Variants in KALRN observed in about 807,000 individuals in gnomAD.
KALRN encodes kalirin RhoGEF kinase.
In KALRN, 70 loss-of-function variants were observed where a neutral mutation model predicts 353.7. The observed-to-expected ratio is 0.20, with a 90% CI of 0.16 to 0.24. KALRN has a LOEUF of 0.24. Among genes scored for constraint, KALRN ranks in the 10% least tolerant of loss-of-function variants. KALRN has a pLI of 1.00. For synonymous variants in KALRN, 1,391 were observed against 1,434.8 expected, an observed-to-expected ratio of 0.97 and a Z score of 0.69; for missense variants, 2,791 against 3,756.7, an observed-to-expected ratio of 0.74 and a Z score of 6.72.
intron 5 of KALRN, among the ~76,000 whole-genome samples, chr3:124,290,066 G>C (rs76863010): frequency 0.043 from 6,522 of 152,200 alleles, 194 homozygotes; most frequent in Middle Eastern, 0.078. Flanking sequence ...TTGGAGGATT[G>C]GTAAGCTTTC....
At chr3:124,441,342 A>G (rs1434370072) in intron 18 of KALRN, among the ~76,000 whole-genome samples, 1 of 152,164 alleles carries the variant, frequency 6.6e-6, no homozygotes, top group Non-Finnish European at 1.5e-5. Context: ...AGGAGACGAG[A>G]GGTGGCTCAT....
At chr3:124,418,238 T>C (rs1265901038) in intron 14 of KALRN, among the ~76,000 whole-genome samples, 1 of 152,088 alleles carries the variant, frequency 6.6e-6, no homozygotes, top group East Asian at 1.9e-4. Flanking sequence ...AGAAGAAACC[T>C]TGATGTAGAA....
At position 124,643,983 on chromosome 3, in the gene KALRN, C is replaced by G. The variant is rs73193734; in HGVS notation, c.5664+6680C>G. Among the ~76,000 whole-genome samples, 1,153 of 152,074 alleles carry G rather than the reference C, an allele frequency of 7.6e-3. 12 individuals carry two copies. The highest frequency in any genetic ancestry group is 0.013 in the Non-Finnish European group (906 of 67,992). ...TTTTGGTGGAAGTCTAAATTAGTAC[C>G]TAAAGAGTAGCTAAATGTACTTATT... On this transcript the variant is annotated intron_variant, in intron 37 of 59. Transcript: ENST00000682506.
chr3:124,442,040 A>G lies in KALRN; in HGVS notation c.3294A>G (p.Gly1098=). 2 of 1,601,102 alleles carry G rather than the reference A, an allele frequency of 1.2e-6. No homozygotes were observed. The highest frequency in any genetic ancestry group is 1.1e-5 in the South Asian group (1 of 90,242). Residue 1098 remains glycine, a synonymous_variant, in exon 19 of 60, where the codon GGA becomes GGG. Transcript: ENST00000682506. The part of the protein sequence containing the change: ...SMPSVASHTR[G]PEQQVKAILS... Reference sequence around the variant, plus strand: ...CCAGTGTCGCCAGCCACACTCGGGGACCCGAGCAACAAGTGAAAGGTCAGT... The same window carrying G: ...CCAGTGTCGCCAGCCACACTCGGGGGCCCGAGCAACAAGTGAAAGGTCAGT...
At chr3:124,581,166 T>C (rs1313690044) in intron 34 of KALRN, among the ~76,000 whole-genome samples, 7 of 151,906 alleles carry the variant, frequency 4.6e-5, no homozygotes, top group Non-Finnish European at 7.4e-5. Flanking sequence ...TGCCTTTAAA[T>C]TGAGAGTAGG....
At chr3:124,108,516 C>A (rs1257519843) in intron 1 of KALRN, among the ~76,000 whole-genome samples, 1 of 152,226 alleles carries the variant, frequency 6.6e-6, no homozygotes, top group African/African-American at 2.4e-5. Flanking sequence ...GATTGTACTT[C>A]TCTACATCCT....
intron 5 of KALRN, among the ~76,000 whole-genome samples, chr3:124,282,867 C>G (rs540123923): frequency 6.6e-6 from 1 of 152,322 alleles, no homozygotes; most frequent in South Asian, 2.1e-4. Flanking sequence ...CAGCCTGGCT[C>G]CCTGCATGGC....
intron 33 of KALRN, among the ~76,000 whole-genome samples, chr3:124,538,047 G>A (rs911379569): frequency 2.6e-5 from 4 of 152,356 alleles, no homozygotes; most frequent in African/African-American, 9.6e-5. Context: ...AAGTGAATTT[G>A]TCTTCACATT....
intron 35 of KALRN, among the ~76,000 whole-genome samples, 189 bp downstream of exon 35, chr3:124,632,892 C>A (rs1057019886): frequency 1.3e-5 from 2 of 152,282 alleles, no homozygotes; most frequent in East Asian, 3.9e-4. Flanking sequence ...GCTGACTAGC[C>A]CCTAAGACTT....
At chr3:124,490,315 C>T (rs1329045655) in intron 29 of KALRN, among the ~76,000 whole-genome samples, 1 of 152,178 alleles carries the variant, frequency 6.6e-6, no homozygotes, top group Non-Finnish European at 1.5e-5. Flanking sequence ...TGTTTGTCCT[C>T]AACCCCACTC....
chr3:124,083,928 G>A (rs1475417570), intron 1 of KALRN, among the ~76,000 whole-genome samples: 1 of 152,208 alleles, frequency 6.6e-6, no homozygotes, highest in Non-Finnish European at 1.5e-5. Context: ...GTTTTGTTAT[G>A]TCTCATCCTA....
At chr3:124,584,690 G>C in intron 34 of KALRN, 3 of 1,433,584 alleles carry the variant, frequency 2.1e-6, no homozygotes, top group Non-Finnish European at 2.7e-6. Flanking sequence ...CTGCGGCCGC[G>C]GTGCGGGGAG....
At chr3:124,185,825 T>C (rs1054316746) in intron 1 of KALRN, among the ~76,000 whole-genome samples, 1 of 151,996 alleles carries the variant, frequency 6.6e-6, no homozygotes, top group Non-Finnish European at 1.5e-5. Context: ...ACTGAGAGGG[T>C]GGTAGTGCCC....
In KALRN at chr3:124,719,741, T is replaced by C; in HGVS notation, c.*271T>C. On this transcript the variant is annotated 3_prime_UTR_variant, in exon 60 of 60. Coordinates refer to ENST00000682506, the MANE Select transcript of KALRN (RefSeq NM_001388419.1). The surrounding 1 kb of genome is among the most constrained non-coding windows in gnomAD (Gnocchi z 5.3). ...AGAAGAAGGGCAAAGATAAGAACAATATTAGCTGTTACGAAATTTTAACTG... is the reference window on the plus strand; with the variant it reads ...AGAAGAAGGGCAAAGATAAGAACAACATTAGCTGTTACGAAATTTTAACTG... 3.0e-6 allele frequency: 1 copy of C among 328,286 alleles called. No individual in the cohort carries two copies. Among genetic ancestry groups the C allele is most frequent in the Non-Finnish European group, 5.6e-6 (1 of 177,602 alleles). 20.3% of individuals were successfully genotyped at this position (328,286 alleles called of 1,614,324 possible).
rs572613936 is a variant in KALRN at position 124,264,476 on chromosome 3, C to A, written c.264-22C>A. 3 of 1,609,250 alleles carry A rather than the reference C, an allele frequency of 1.9e-6. No individual in the cohort carries two copies. The East Asian group carries it at 6.7e-5, about 36-fold the overall frequency. ...GTCTCAGCTACCCAGAGTGACCATA[C>A]CGACCTCTGACCTCCCCACAGTGAG... On this transcript the variant is annotated intron_variant, in intron 3 of 59. Transcript: ENST00000682506.
At chr3:124,166,029 G>A (rs141222460) in intron 1 of KALRN, among the ~76,000 whole-genome samples, 288 of 152,020 alleles carry the variant, frequency 1.9e-3, no homozygotes, top group African/African-American at 6.2e-3. Context: ...TTCTTCCCCC[G>A]CTCATCCTCC....
intron 37 of KALRN, among the ~76,000 whole-genome samples, chr3:124,640,966 C>G (rs1239454221): frequency 6.6e-6 from 1 of 152,136 alleles, no homozygotes; most frequent in Admixed American, 6.5e-5. Context: ...TAAAGTCTTT[C>G]CGCTTTATTG....
chr3:124,139,458 A>G (rs2066350903), intron 1 of KALRN, among the ~76,000 whole-genome samples: 1 of 152,150 alleles, frequency 6.6e-6, no homozygotes, highest in Non-Finnish European at 1.5e-5. Flanking sequence ...TTTATTGTGT[A>G]CTAGCTATGT....
rs1460712008 is a variant in KALRN at position 124,636,994 on chromosome 3, A to G, written c.5569-214A>G. 7.1e-6 allele frequency: 4 copies of G among 564,440 alleles called. No homozygotes were observed. In the Admixed American group the frequency reaches 1.1e-4, roughly 16 times the overall value. The allele number at this position is 564,440 out of a possible 1,614,324, so 35.0% of individuals were successfully genotyped here. A position where few individuals can be genotyped will look rare whatever the true frequency, so the allele number is the denominator to read the frequency against. ...GCTTGCCTAAGGATAGCCTAGTACC[A>G]TCCATTTGCTGCTGGCTAGAATTCC... On this transcript the variant is annotated intron_variant, in intron 36 of 59. Transcript: ENST00000682506.
Sources: allele counts gnomAD v4.1 joint callset (sites outside exome capture counted in the v4.1 genomes callset), GRCh38; gene constraint gnomAD v4.1.1; non-coding constraint Gnocchi (gnomAD v3.1); transcripts MANE v1.5; gene names NCBI Gene and HGNC (gene_info 2026-07-23, HGNC 2026-07-21).